The following DCUN1D2 variants were observed in gnomAD, a reference collection of about 807,000 sequenced individuals.
DCUN1D2 encodes DCN1-like protein 2.
In DCUN1D2, 29 loss-of-function variants were observed where a neutral mutation model predicts 30.9. The observed-to-expected ratio is 0.94, with a 90% confidence interval of 0.70 to 1.28. The LOEUF is 1.28. Among genes scored for constraint, DCUN1D2 ranks in the 50% most tolerant of loss-of-function variants. The probability of loss-of-function intolerance (pLI) is 0.00; values close to 1 mark genes in which losing one functional copy is unlikely to be tolerated. For synonymous variants in DCUN1D2, 121 were observed against 115.3 expected (o/e 1.05, Z -0.32); for missense variants, 325 against 316.9 (o/e 1.03, Z -0.19).
chr13:113,467,215 C>T lies in DCUN1D2; in HGVS notation c.521-6079G>A, dbSNP rs9324244. 2.0e-3 allele frequency among the ~76,000 whole-genome samples: 312 copies of T among 152,284 alleles called. 2 individuals are homozygous for T. Among genetic ancestry groups the T allele is most frequent in the African/African-American group, 7.1e-3 (293 of 41,544 alleles). On this transcript the variant is annotated intron_variant, in intron 4 of 6. Coordinates refer to ENST00000478244, the MANE Select transcript of DCUN1D2 (RefSeq NM_001014283.2). ...CCAGTTTAGACCACAAGTAATATTG[C>T]TGGTGGTACACAGCAGAGGAGCCCG...
chr13:113,478,422 CTT>C (rs1417161757), intron 3 of DCUN1D2, among the ~76,000 whole-genome samples: 1 of 151,740 alleles, frequency 6.6e-6, no homozygotes, highest in Non-Finnish European at 1.5e-5. Context: ...ATTTACAAGT[CTT>C]TTCAAATAAC....
rs1276786323 is a variant in DCUN1D2, at chr13:113,457,066, G to GA, written c.*962dup. ...GGCTAATTTTTGTATTTTTAGTAGA[G>GA]ACAGGGTTTCACCATGTTGGCCAGG... is the stretch of plus-strand genomic sequence containing the variant. On this transcript the variant is annotated 3_prime_UTR_variant, in exon 7 of 7. Transcript: ENST00000478244. 4.6e-5 allele frequency: 7 copies of GA among 152,076 alleles called. No individual in the cohort carries two copies. In the East Asian group the frequency reaches 1.4e-3, roughly 29 times the overall value. 9.4% of individuals were successfully genotyped at this position (152,076 alleles called of 1,614,324 possible).
chr13:113,462,413 G>T (rs1479717802), intron 4 of DCUN1D2, among the ~76,000 whole-genome samples: 1 of 152,060 alleles, frequency 6.6e-6, no homozygotes, highest in Non-Finnish European at 1.5e-5. Flanking sequence ...TAAAAGTTAG[G>T]TAATATGTTA....
chr13:113,481,242 AT>A (rs2044703015), intron 2 of DCUN1D2, among the ~76,000 whole-genome samples: 2 of 152,190 alleles, frequency 1.3e-5, no homozygotes. Context: ...TCTCAGAATC[AT>A]TTAGCTTATG....
intron 4 of DCUN1D2, among the ~76,000 whole-genome samples, chr13:113,469,490 G>A (rs2044466696): frequency 1.3e-5 from 2 of 151,774 alleles, no homozygotes; most frequent in Non-Finnish European, 2.9e-5. Flanking sequence ...GACCAGCCCG[G>A]GCAACACAGT....
At chr13:113,464,971 T>C (rs894977447) in intron 4 of DCUN1D2, among the ~76,000 whole-genome samples, 1 of 152,252 alleles carries the variant, frequency 6.6e-6, no homozygotes, top group Non-Finnish European at 1.5e-5. Context: ...CTTTTCTGTA[T>C]GTGTCAAGTT....
intron 4 of DCUN1D2, among the ~76,000 whole-genome samples, chr13:113,462,386 T>C (rs1343598800): frequency 6.6e-6 from 1 of 152,258 alleles, no homozygotes; most frequent in East Asian, 1.9e-4. Flanking sequence ...GTAAGATTAA[T>C]GTGAAAAGCA....
chr13:113,490,989 C>A, upstream of DCUN1D2: 1 of 181,366 alleles, frequency 5.5e-6, no homozygotes, highest in Non-Finnish European at 1.1e-5. This position sits in a 1 kb window ranked among gnomAD's most constrained non-coding sequence, Gnocchi z 5.2. Flanking sequence ...CCACGCCCCG[C>A]CTCTTAAAGG....
At chr13:113,484,845 G>A (rs866975801) in intron 1 of DCUN1D2, among the ~76,000 whole-genome samples, 26 of 152,116 alleles carry the variant, frequency 1.7e-4, no homozygotes, top group Non-Finnish European at 2.9e-4. Flanking sequence ...ACTTTGGGAG[G>A]CTGAGGCGGA....
chr13:113,457,215 T>C lies in DCUN1D2; in HGVS notation c.*814A>G, dbSNP rs1029005129. On this transcript the variant is annotated 3_prime_UTR_variant, in exon 7 of 7. Transcript: ENST00000478244. ...AATCTATAATTCATCACTCATAAAA[T>C]AAATGTTTTTCATGGAAAAATGTCT... 2 of 152,132 alleles carry C rather than the reference T, an allele frequency of 1.3e-5. No homozygotes were observed. The highest frequency in any genetic ancestry group is 6.5e-5 in the Admixed American group (1 of 15,284). The allele number at this position is 152,132 out of a possible 1,614,324, so 9.4% of individuals were successfully genotyped here.
chr13:113,490,934 A>C (rs1425304950), upstream of DCUN1D2: 1 of 216,574 alleles, frequency 4.6e-6, no homozygotes, highest in East Asian at 1.1e-4. This position sits in a 1 kb window ranked among gnomAD's most constrained non-coding sequence, Gnocchi z 5.2. Flanking sequence ...GCCAGGCCCC[A>C]CGCCGGCCAG....
At position 113,490,168 on chromosome 13, in the gene DCUN1D2, C is replaced by G. The variant is rs2044917888; in HGVS notation, c.3+499G>C. Among the ~76,000 whole-genome samples, 1 of 152,236 alleles carries G rather than the reference C, an allele frequency of 6.6e-6. No homozygotes were observed. Among genetic ancestry groups the G allele is most frequent in the Non-Finnish European group, 1.5e-5 (1 of 68,036 alleles). ...CTACAGCTCCCGGCTAGAGCCCGCGCTAGGGCCCCGCTGTGCCTCTCCCTC... is the reference window on the plus strand; with the variant it reads ...CTACAGCTCCCGGCTAGAGCCCGCGGTAGGGCCCCGCTGTGCCTCTCCCTC... On this transcript the variant is annotated intron_variant, in intron 1 of 6. Transcript: ENST00000478244. This position sits in a 1 kb window ranked among gnomAD's most constrained non-coding sequence, Gnocchi z 5.2.
chr13:113,466,171 G>A (rs1480200770), intron 4 of DCUN1D2, among the ~76,000 whole-genome samples: 3 of 152,172 alleles, frequency 2.0e-5, no homozygotes, highest in South Asian at 2.1e-4. Context: ...CACCACACTC[G>A]GCCTGCTTGT....
intron 4 of DCUN1D2, among the ~76,000 whole-genome samples, chr13:113,462,177 G>T (rs1169740170): frequency 3.3e-5 from 5 of 151,768 alleles, no homozygotes; most frequent in Non-Finnish European, 7.4e-5. Context: ...ACTTGAACCT[G>T]GGAGGCGGAG....
At chr13:113,485,934 G>A (rs1249480547) in intron 1 of DCUN1D2, among the ~76,000 whole-genome samples, 2 of 152,112 alleles carry the variant, frequency 1.3e-5, no homozygotes, top group Non-Finnish European at 2.9e-5. Flanking sequence ...CGCGAGATTC[G>A]AGAGCCTATC....
intron 2 of DCUN1D2, among the ~76,000 whole-genome samples, chr13:113,482,835 T>C (rs2044733830): frequency 6.6e-6 from 1 of 151,832 alleles, no homozygotes; most frequent in South Asian, 2.1e-4. Flanking sequence ...CCCAGCTACT[T>C]TGGAGGCTGA....
Position 113,457,307 on chromosome 13 carries a change from A to G in DCUN1D2, c.*722T>C, listed in dbSNP as rs2044241826. 2 of 152,240 alleles carry G rather than the reference A, an allele frequency of 1.3e-5. No individual in the cohort carries two copies. The highest frequency in any genetic ancestry group is 4.8e-5 in the African/African-American group (2 of 41,464). 9.4% of individuals were successfully genotyped at this position (152,240 alleles called of 1,614,324 possible). On this transcript the variant is annotated 3_prime_UTR_variant, in exon 7 of 7. Coordinates refer to ENST00000478244, the MANE Select transcript of DCUN1D2 (RefSeq NM_001014283.2). Reference sequence around the variant, plus strand: ...ATGAAGCTTCTCAGGCAGGTCAAATAATATTTAAGTAAGAGAGGCCCAGTG... The same window carrying G: ...ATGAAGCTTCTCAGGCAGGTCAAATGATATTTAAGTAAGAGAGGCCCAGTG...
intron 4 of DCUN1D2, among the ~76,000 whole-genome samples, chr13:113,471,290 C>T (rs2044510018): frequency 6.7e-6 from 1 of 150,196 alleles, no homozygotes; most frequent in Non-Finnish European, 1.5e-5. Context: ...CCCAACTCCA[C>T]AGAAGACACA....
chr13:113,466,790 C>CT (rs2044410089), intron 4 of DCUN1D2, among the ~76,000 whole-genome samples: 1 of 147,732 alleles, frequency 6.8e-6, no homozygotes, highest in South Asian at 2.1e-4. Context: ...ATTGCTGTCA[C>CT]TGTCCTTTGG....
Sources: gnomAD v4.1 joint callset for allele counts (sites outside exome capture counted in the v4.1 genomes callset) on GRCh38, gnomAD v4.1.1 for gene constraint, Gnocchi (gnomAD v3.1) non-coding constraint, MANE v1.5 for transcripts, NCBI Gene and HGNC (gene_info 2026-07-23, HGNC 2026-07-21) for gene names.